Variants in DNAJA3 observed in about 807,000 individuals in gnomAD.
DNAJA3 encodes DnaJ heat shock protein family (Hsp40) member A3.
A neutral mutation model predicts 54.9 loss-of-function variants in DNAJA3; 29 were observed. The ratio of observed to expected loss-of-function variants is 0.53; its 90% CI spans 0.39 to 0.72. DNAJA3 has a LOEUF of 0.72. Among genes scored for constraint, DNAJA3 ranks in the 30% least tolerant of loss-of-function variants. The pLI is 0.00. For synonymous variants in DNAJA3, 302 were observed against 251.4 expected (o/e 1.20, Z -1.90); for missense variants, 708 against 639.4 (o/e 1.11, Z -1.16).
chr16:4,444,518 T>C, intron 6 of DNAJA3, 146 bp from the exon 7 acceptor site: 1 of 612,110 alleles, frequency 1.6e-6, no homozygotes, highest in East Asian at 3.0e-5. Flanking sequence ...TAATTTTTAG[T>C]AGAGACCAGG....
At position 4,455,827 on chromosome 16, in the gene DNAJA3, T is replaced by C. The variant is rs2057029252; in HGVS notation, c.*295T>C. On this transcript the variant is annotated 3_prime_UTR_variant, in exon 12 of 12. Coordinates refer to ENST00000262375, the MANE Select transcript of DNAJA3 (RefSeq NM_005147.6). ...AGGCAGAGGGAGATGGTTAGACTCT[T>C]GCAGGGCTAAAACTCTAATTTGGAA... 1.8e-6 allele frequency: 1 copy of C among 570,178 alleles called. No homozygotes were observed. The highest frequency in any genetic ancestry group is 3.0e-5 in the Admixed American group (1 of 33,564). The allele number at this position is 570,178 out of a possible 1,614,324, so 35.3% of individuals were successfully genotyped here.
intron 9 of DNAJA3, among the ~76,000 whole-genome samples, chr16:4,449,099 C>G (rs1398706745): frequency 6.6e-6 from 1 of 151,872 alleles, no homozygotes; most frequent in African/African-American, 2.4e-5. Flanking sequence ...CAGGTTCAAG[C>G]GATTCTCCTG....
chr16:4,442,354 C>T lies in DNAJA3; in HGVS notation c.717C>T (p.Cys239=). 1 of 1,609,940 alleles carries T rather than the reference C, an allele frequency of 6.2e-7. No homozygotes were observed. The highest frequency in any genetic ancestry group is 8.5e-7 in the Non-Finnish European group (1 of 1,178,046). ...ACATCATGGACACGTGTGAGCGCTG[C>T]AACGGCAAGGGGAACGAGCCCGGCA... ...TVNIMDTCER[C]NGKGNEPGTK... The change falls in exon 5 of 12, where the codon TGC becomes TGT. Residue 239 remains cysteine, a synonymous_variant. Transcript: ENST00000262375.
In DNAJA3 at chr16:4,443,077, G is replaced by A. The variant is rs867080468; in HGVS notation, c.844G>A (p.Gly282Ser). 5 of 1,613,858 alleles carry A rather than the reference G, an allele frequency of 3.1e-6. No individual in the cohort carries two copies. In the Middle Eastern group the frequency reaches 4.9e-4, roughly 160 times the overall value. ...CACGTGTAGGAGATGTGGTGGCCGC[G>A]GCTCCATCATCATATCGCCCTGTGT... ...RSTCRRCGGR[G>S]SIIISPCVVC... Residue 282 changes from glycine to serine, a missense_variant, in exon 6 of 12, where the codon GGC becomes AGC. Physicochemically the swap from Gly to Ser is moderately conservative, Grantham distance 56. Transcript: ENST00000262375.
At chr16:4,437,010 A>G (rs1321149906) in intron 2 of DNAJA3, among the ~76,000 whole-genome samples, 2 of 151,324 alleles carry the variant, frequency 1.3e-5, no homozygotes, top group East Asian at 4.0e-4. Flanking sequence ...TCACTCCGTC[A>G]CCTAGGCTGG....
intron 1 of DNAJA3, among the ~76,000 whole-genome samples, chr16:4,432,807 G>A (rs1197206785): frequency 6.6e-6 from 1 of 151,994 alleles, no homozygotes; most frequent in African/African-American, 2.4e-5. Flanking sequence ...CTGCACGCCA[G>A]TCTGGGCAAG....
chr16:4,434,326 C>A, intron 1 of DNAJA3, 58 bp from the exon 2 acceptor site: 1 of 1,582,656 alleles, frequency 6.3e-7, no homozygotes, highest in Non-Finnish European at 8.6e-7. Flanking sequence ...CATGTACTCA[C>A]AGTTTTCTTT....
intron 2 of DNAJA3, among the ~76,000 whole-genome samples, chr16:4,436,635 A>G (rs1173301149): frequency 1.3e-5 from 2 of 152,032 alleles, no homozygotes; most frequent in Non-Finnish European, 2.9e-5. Context: ...TCCTGGGCTC[A>G]AGCAATTCTC....
In DNAJA3 at chr16:4,456,050, AG is replaced by A. The variant is rs1314978601; in HGVS notation, c.*522del. 1 of 163,698 alleles carries A rather than the reference AG, an allele frequency of 6.1e-6. No homozygotes were observed. Among genetic ancestry groups the A allele is most frequent in the African/African-American group, 2.4e-5 (1 of 41,742 alleles). 10.1% of individuals were successfully genotyped at this position (163,698 alleles called of 1,614,324 possible). A position where few individuals can be genotyped will look rare whatever the true frequency, so the allele number is the denominator to read the frequency against. On this transcript the variant is annotated 3_prime_UTR_variant, in exon 12 of 12. Transcript: ENST00000262375. The stretch of plus-strand genomic sequence containing the variant: ...CCACCAGCACCGTCCTCCCCTAATG[AG>A]GGGCCCTGCCGAGGCATCAGCTGCT...
intron 4 of DNAJA3, 31 bp downstream of exon 4, chr16:4,441,606 A>C: frequency 6.2e-7 from 1 of 1,608,824 alleles, no homozygotes; most frequent in East Asian, 2.2e-5. Context: ...AATTATTCAA[A>C]TTTTAGACTA....
chr16:4,435,732 T>G (rs1170926479), intron 2 of DNAJA3, among the ~76,000 whole-genome samples: 1 of 152,264 alleles, frequency 6.6e-6, no homozygotes, highest in Non-Finnish European at 1.5e-5. Context: ...CATCGTTTGA[T>G]GGACATTTGG....
rs574180005 is a variant in DNAJA3, at chr16:4,443,812, A to C, written c.931+648A>C. Among the ~76,000 whole-genome samples the C allele has an allele frequency of 2.6e-5, 4 of 151,490 alleles. No individual in the cohort carries two copies. The East Asian group carries it at 7.8e-4, about 30-fold the overall frequency. On this transcript the variant is annotated intron_variant, in intron 6 of 11. Coordinates refer to ENST00000262375, the MANE Select transcript of DNAJA3 (RefSeq NM_005147.6). ...TGCCATTCTCCTGCCTCAGCCTCCC[A>C]AGGAGCTGGGACTACAGGCACCTGC...
chr16:4,425,898 C>G lies in DNAJA3; in HGVS notation c.17C>G (p.Ser6Cys), dbSNP rs760590500. The G allele has an allele frequency of 5.8e-6, 9 of 1,542,048 alleles. No homozygotes were observed. The East Asian group carries it at 9.9e-5, about 17-fold the overall frequency. Residue 6 changes from serine (S) to cysteine (C), a missense_variant, in exon 1 of 12, where the codon TCC becomes TGC. Coordinates refer to ENST00000262375, the MANE Select transcript of DNAJA3 (RefSeq NM_005147.6). Reference sequence around the variant, plus strand: ...CGGGCCAAGATGGCTGCGCGGTGCTCCACACGCTGGTTGCTGGTGGTTGTG... The same window carrying G: ...CGGGCCAAGATGGCTGCGCGGTGCTGCACACGCTGGTTGCTGGTGGTTGTG... MAARC[S>C]TRWLLVVVGT...
At position 4,455,378 on chromosome 16, in the gene DNAJA3, G is replaced by A. The variant is rs906400284; in HGVS notation, c.*14-168G>A. 53 of 719,366 alleles carry A rather than the reference G, an allele frequency of 7.4e-5. No homozygotes were observed. The African/African-American group carries it at 8.0e-4, about 11-fold the overall frequency. 44.6% of individuals were successfully genotyped at this position (719,366 alleles called of 1,614,324 possible). ...GCTGCTCCAGGGGTAGCGCTTGCTCGCCGTGTCATCTTGGGACCCACTTTG... is the reference window on the plus strand; with the variant it reads ...GCTGCTCCAGGGGTAGCGCTTGCTCACCGTGTCATCTTGGGACCCACTTTG... On this transcript the variant is annotated intron_variant, in intron 11 of 11. Coordinates refer to ENST00000262375, the MANE Select transcript of DNAJA3 (RefSeq NM_005147.6).
intron 2 of DNAJA3, among the ~76,000 whole-genome samples, chr16:4,437,172 T>C (rs1339989007): frequency 2.6e-5 from 4 of 152,186 alleles, no homozygotes; most frequent in African/African-American, 9.7e-5. Flanking sequence ...GGTTTCGCTG[T>C]GTTGCCCAGG....
In DNAJA3 at chr16:4,448,637, T is replaced by C. The variant is rs868315319; in HGVS notation, c.1126-96T>C. ...GAGCGTGAGCCAGTGGTAGTTCTTT[T>C]CAAGGAATTCCTATCAAGATTGTCT... On this transcript the variant is annotated intron_variant, in intron 8 of 11. Coordinates refer to ENST00000262375, the MANE Select transcript of DNAJA3 (RefSeq NM_005147.6). The C allele has an allele frequency of 2.1e-5, 18 of 860,730 alleles. No individual in the cohort carries two copies. In the African/African-American group the frequency reaches 3.0e-4, roughly 15 times the overall value. The allele number at this position is 860,730 out of a possible 1,614,324, so 53.3% of individuals were successfully genotyped here. A position where few individuals can be genotyped will look rare whatever the true frequency, so the allele number is the denominator to read the frequency against.
intron 2 of DNAJA3, among the ~76,000 whole-genome samples, chr16:4,436,430 G>A (rs1181390628): frequency 2.0e-5 from 3 of 152,236 alleles, no homozygotes; most frequent in Admixed American, 2.0e-4. Context: ...AGGCACGGAA[G>A]TAAAAAGATC....
intron 9 of DNAJA3, among the ~76,000 whole-genome samples, chr16:4,449,282 C>G (rs1200344059): frequency 6.6e-6 from 1 of 152,214 alleles, no homozygotes; most frequent in Non-Finnish European, 1.5e-5. Flanking sequence ...AGGCGTGAGC[C>G]ACCATGCCCG....
intron 1 of DNAJA3, among the ~76,000 whole-genome samples, chr16:4,428,474 A>G (rs972210113): frequency 3.9e-5 from 6 of 152,188 alleles, no homozygotes; most frequent in Non-Finnish European, 5.9e-5. Flanking sequence ...TTTTCATTCA[A>G]ATATTAATCC....
Sources: gnomAD v4.1 joint callset for allele counts (sites outside exome capture counted in the v4.1 genomes callset) on GRCh38, gnomAD v4.1.1 for gene constraint, MANE v1.5 for transcripts, NCBI Gene and HGNC (gene_info 2026-07-23, HGNC 2026-07-21) for gene names.